The following UHRF2 variants were observed in gnomAD, a reference collection of about 807,000 sequenced individuals.
The protein encoded by UHRF2 is E3 ubiquitin-protein ligase UHRF2.
UHRF2 carries 23 observed loss-of-function variants against 96.8 expected under a neutral mutation model. The ratio of observed to expected loss-of-function variants is 0.24; its 90% CI spans 0.17 to 0.34. The LOEUF is 0.34. Ranked by LOEUF, UHRF2 falls within the 10% of genes least tolerant of loss-of-function variation. The pLI is 1.00. For missense variants in UHRF2, 685 were observed against 981.5 expected (o/e 0.70, Z 4.04); for synonymous variants, 385 against 332.6 (o/e 1.16, Z -1.72).
intron 14 of UHRF2, 148 bp downstream of exon 14, chr9:6,500,857 C>T (rs912418634): frequency 1.4e-6 from 1 of 709,146 alleles, no homozygotes. Context: ...CAGAAATAAT[C>T]TGAGGCAACA....
rs527551331 is a variant in UHRF2 at position 6,461,358 on chromosome 9, C to G, written c.863+567C>G. ...CCCTCCCTCCCTCTCTCTCTCCCCC[C>G]CCTCCTCCTCTCCCCCTCCTCCTTC... On this transcript the variant is annotated intron_variant, in intron 4 of 15. Transcript: ENST00000276893. Among the ~76,000 whole-genome samples, 14 of 95,324 alleles carry G rather than the reference C, an allele frequency of 1.5e-4. No homozygotes were observed. The Admixed American group carries it at 1.7e-3, about 12-fold the overall frequency. The allele number at this position is 95,324 out of a possible 152,430, so 62.5% of individuals were successfully genotyped here.
chr9:6,467,950 AG>A (rs1822980181), intron 4 of UHRF2, among the ~76,000 whole-genome samples: 1 of 152,092 alleles, frequency 6.6e-6, no homozygotes. Context: ...TTGGTGTCTA[AG>A]CTTTATTTGA....
chr9:6,422,608 C>T, intron 2 of UHRF2: 2 of 622,700 alleles, frequency 3.2e-6, no homozygotes, highest in Non-Finnish European at 3.0e-6. Context: ...TCTCCATTAA[C>T]TTAGATCTTT....
At chr9:6,502,826 T>C (rs781121818) in intron 14 of UHRF2, among the ~76,000 whole-genome samples, 15 of 152,200 alleles carry the variant, frequency 9.9e-5, no homozygotes, top group African/African-American at 2.2e-4. Flanking sequence ...GTACCTGTTA[T>C]AAAGTTTCCA....
intron 2 of UHRF2, 82 bp from the exon 3 acceptor site, chr9:6,433,832 C>A: frequency 2.1e-6 from 3 of 1,436,132 alleles, no homozygotes; most frequent in African/African-American, 1.4e-5. Flanking sequence ...CATGATAACC[C>A]ACAAATAACT....
At chr9:6,447,298 C>G (rs1044259544) in intron 3 of UHRF2, among the ~76,000 whole-genome samples, 1 of 152,144 alleles carries the variant, frequency 6.6e-6, no homozygotes, top group Non-Finnish European at 1.5e-5. Flanking sequence ...TATAAAAGCA[C>G]AGTTTTCTGT....
chr9:6,477,356 C>T (rs189829638), intron 5 of UHRF2, among the ~76,000 whole-genome samples: 3 of 151,992 alleles, frequency 2.0e-5, no homozygotes, highest in African/African-American at 7.2e-5. Context: ...GAAACCCCAT[C>T]TCTACTAAAA....
intron 9 of UHRF2, among the ~76,000 whole-genome samples, chr9:6,487,354 A>C (rs564872805): frequency 2.6e-5 from 4 of 151,598 alleles, no homozygotes; most frequent in African/African-American, 9.7e-5. Flanking sequence ...ACACCTGGCT[A>C]ATTTTTGTAT....
At chr9:6,442,669 G>A (rs949200305) in intron 3 of UHRF2, among the ~76,000 whole-genome samples, 5 of 150,706 alleles carry the variant, frequency 3.3e-5, no homozygotes, top group Non-Finnish European at 5.9e-5. Context: ...TTTTTTTTGG[G>A]GGGGTAGAGA....
chr9:6,413,662 G>T lies in UHRF2; in HGVS notation c.153+19G>T, dbSNP rs1288664189. The T allele has an allele frequency of 3.2e-6, 5 of 1,556,316 alleles. No individual in the cohort carries two copies. The highest frequency in any genetic ancestry group is 4.3e-6 in the Non-Finnish European group (5 of 1,154,552). On this transcript the variant is annotated intron_variant, in intron 1 of 15. Coordinates refer to ENST00000276893, the MANE Select transcript of UHRF2 (RefSeq NM_152896.3). The stretch of plus-strand genomic sequence containing the variant: ...CAAGCAGGTGAGGCGCGCCCGCCGC[G>T]CCCCTAGCGAGGCTGGGGGCCGGAA...
At chr9:6,488,883 G>T (rs1196228610) in intron 9 of UHRF2, among the ~76,000 whole-genome samples, 1 of 151,852 alleles carries the variant, frequency 6.6e-6, no homozygotes, top group Non-Finnish European at 1.5e-5. Context: ...TGCGATTTCG[G>T]CTCACTGCAA....
chr9:6,468,144 G>C (rs1822991430), intron 4 of UHRF2, among the ~76,000 whole-genome samples: 1 of 152,098 alleles, frequency 6.6e-6, no homozygotes, highest in Non-Finnish European at 1.5e-5. Context: ...CGGCCTATTA[G>C]ATTCAGTGAA....
chr9:6,420,871 A>G (rs565382542), intron 1 of UHRF2, 41 bp from the exon 2 acceptor site: 2 of 1,512,138 alleles, frequency 1.3e-6, no homozygotes, highest in East Asian at 4.5e-5. Flanking sequence ...AGTAAGATAC[A>G]TTTTAGAGAA....
chr9:6,485,803 C>CG (rs1192702012), intron 8 of UHRF2, among the ~76,000 whole-genome samples: 3 of 59,190 alleles, frequency 5.1e-5, no homozygotes, highest in African/African-American at 1.5e-4. Flanking sequence ...TGTCTCTACC[C>CG]AAAAAAAAAA....
At chr9:6,465,413 A>T (rs1308742214) in intron 4 of UHRF2, among the ~76,000 whole-genome samples, 1 of 152,206 alleles carries the variant, frequency 6.6e-6, no homozygotes, top group African/African-American at 2.4e-5. Context: ...GAACTTCTCA[A>T]TAAAGTCATC....
intron 5 of UHRF2, among the ~76,000 whole-genome samples, chr9:6,476,027 C>G (rs1025878298): frequency 1.3e-5 from 2 of 152,074 alleles, no homozygotes; most frequent in Admixed American, 1.3e-4. Flanking sequence ...CTTCTTTATC[C>G]CCTGTCCCAC....
At chr9:6,445,376 G>A (rs967000152) in intron 3 of UHRF2, among the ~76,000 whole-genome samples, 9 of 151,906 alleles carry the variant, frequency 5.9e-5, no homozygotes, top group African/African-American at 1.7e-4. Context: ...CGATTCTCCT[G>A]CTTCAGCCTC....
chr9:6,450,914 T>G (rs112638343), intron 3 of UHRF2, among the ~76,000 whole-genome samples: 1 of 146,942 alleles, frequency 6.8e-6, no homozygotes, highest in Non-Finnish European at 1.5e-5. Context: ...CTTACTGATA[T>G]GTGTTTGGTC....
At chr9:6,422,430 A>G (rs1179590552) in intron 2 of UHRF2, among the ~76,000 whole-genome samples, 1 of 151,742 alleles carries the variant, frequency 6.6e-6, no homozygotes, top group Non-Finnish European at 1.5e-5. Flanking sequence ...TTCCTCTTTC[A>G]GGGTCTCTTG....
Sources: gnomAD v4.1 joint callset for allele counts (sites outside exome capture counted in the v4.1 genomes callset) on GRCh38, gnomAD v4.1.1 for gene constraint, MANE v1.5 for transcripts, NCBI Gene and HGNC (gene_info 2026-07-23, HGNC 2026-07-21) for gene names.